Variants in SORCS3 observed in about 807,000 individuals in gnomAD.
SORCS3 encodes the protein sortilin related VPS10 domain containing receptor 3.
Under a neutral mutation model 146.3 loss-of-function variants are expected in SORCS3, and 57 were observed. The observed-to-expected ratio is 0.39, with a 90% CI of 0.31 to 0.49. SORCS3 has a LOEUF of 0.49. SORCS3 is among the 20% of genes least tolerant of loss of function. SORCS3 has a pLI of 0.92. For missense variants in SORCS3, 1,341 were observed against 1,575.5 expected, an observed-to-expected ratio of 0.85 and a Z score of 2.52; for synonymous variants, 653 against 618.5, an observed-to-expected ratio of 1.06 and a Z score of -0.83.
At chr10:105,249,722 A>G (rs1458035830) in intron 22 of SORCS3, among the ~76,000 whole-genome samples, 1 of 151,928 alleles carries the variant, frequency 6.6e-6, no homozygotes, top group Non-Finnish European at 1.5e-5. Context: ...CTCTACAAAA[A>G]TAAATAAAAA....
chr10:104,721,375 T>C (rs1440192726), intron 1 of SORCS3, among the ~76,000 whole-genome samples: 1 of 152,252 alleles, frequency 6.6e-6, no homozygotes, highest in African/African-American at 2.4e-5. Context: ...TTTTGGTTAC[T>C]GTAGCCTTGT....
At chr10:105,029,796 CA>C (rs1226172712) in intron 4 of SORCS3, among the ~76,000 whole-genome samples, 4 of 152,188 alleles carry the variant, frequency 2.6e-5, no homozygotes, top group Admixed American at 6.5e-5. Flanking sequence ...TAGCTGAAGA[CA>C]GGGGGATAAA....
intron 2 of SORCS3, among the ~76,000 whole-genome samples, chr10:104,846,194 C>T (rs780075122): frequency 1.3e-5 from 2 of 152,292 alleles, no homozygotes; most frequent in Admixed American, 6.5e-5. Context: ...AGGGACTGCT[C>T]CTAAACTTTC....
At chr10:104,972,492 A>G (rs2054866426) in intron 3 of SORCS3, among the ~76,000 whole-genome samples, 1 of 152,156 alleles carries the variant, frequency 6.6e-6, no homozygotes, top group Non-Finnish European at 1.5e-5. Flanking sequence ...TAAATGCATA[A>G]AACAATTCAG....
At chr10:105,023,651 G>A (rs2055210631) in intron 4 of SORCS3, among the ~76,000 whole-genome samples, 1 of 152,096 alleles carries the variant, frequency 6.6e-6, no homozygotes, top group Non-Finnish European at 1.5e-5. Flanking sequence ...TCAATGCAAA[G>A]AGTAAGAGAA....
intron 8 of SORCS3, among the ~76,000 whole-genome samples, chr10:105,142,902 T>C (rs1285460349): frequency 6.6e-6 from 1 of 152,174 alleles, no homozygotes; most frequent in Non-Finnish European, 1.5e-5. Flanking sequence ...AAATTCATTA[T>C]AATGATAATA....
At chr10:105,037,674 T>A in intron 4 of SORCS3, among the ~76,000 whole-genome samples, 1 of 152,196 alleles carries the variant, frequency 6.6e-6, no homozygotes, top group East Asian at 1.9e-4. Flanking sequence ...CATACTGGAT[T>A]AGGGCCCACC....
Position 105,201,191 on chromosome 10 carries a change from C to T in SORCS3, c.2199C>T (p.Gly733=), listed in dbSNP as rs201232836. 48 of 1,611,916 alleles carry T rather than the reference C, an allele frequency of 3.0e-5. No individual in the cohort carries two copies. Among genetic ancestry groups the T allele is most frequent in the Middle Eastern group, 1.6e-4 (1 of 6,070 alleles). The change falls in exon 16 of 27, where the codon GGC becomes GGT. Residue 733 remains glycine, a synonymous_variant. Transcript: ENST00000369701. ...AGCCAGGAGCTCAGTGTGCCCTGGG[C>T]CGAGACCACTCAGGATCAGTGGTCT... The part of the protein sequence containing the change: ...KRKPGAQCAL[G]RDHSGSVVSE...
At chr10:104,912,371 T>A (rs2018977876) in intron 2 of SORCS3, among the ~76,000 whole-genome samples, 1 of 152,236 alleles carries the variant, frequency 6.6e-6, no homozygotes, top group Non-Finnish European at 1.5e-5. Flanking sequence ...TGACAGCCTC[T>A]AGAGATCATG....
At chr10:104,874,237 G>GAT (rs5787555) in intron 2 of SORCS3, among the ~76,000 whole-genome samples, 127,514 of 151,994 alleles carry the variant, frequency 0.84, 53,949 homozygotes, top group East Asian at 0.97. Flanking sequence ...GGCATTTTCA[G>GAT]AGTTTCTAGT....
chr10:105,115,689 T>C (rs987487139), intron 7 of SORCS3, among the ~76,000 whole-genome samples: 3 of 152,150 alleles, frequency 2.0e-5, no homozygotes, highest in Admixed American at 2.0e-4. Context: ...CTGATTTATA[T>C]ACCCATCATG....
Position 105,167,272 on chromosome 10 carries a change from G to A in SORCS3, c.1824G>A (p.Glu608=). The A allele has an allele frequency of 1.2e-6, 2 of 1,612,850 alleles. No individual in the cohort carries two copies. Among genetic ancestry groups the A allele is most frequent in the South Asian group, 2.2e-5 (2 of 91,010 alleles). ...TGTTGTTCCAGATCTTTGATGAAGA[G>A]TACAATGTCTGGTTCCTAGACTGGG... ...GNTWRQIFDE[E]YNVWFLDWGG... is the part of the protein sequence containing the mutation. Residue 608 remains glutamate (E), a synonymous_variant, in exon 13 of 27, where the codon GAG becomes GAA. Coordinates refer to ENST00000369701, the MANE Select transcript of SORCS3 (RefSeq NM_014978.3).
chr10:104,949,038 A>T (rs1270885616), intron 3 of SORCS3, among the ~76,000 whole-genome samples: 3 of 152,162 alleles, frequency 2.0e-5, no homozygotes, highest in African/African-American at 7.2e-5. Flanking sequence ...ATCATTTGGG[A>T]TCACACATCC....
intron 14 of SORCS3, 51 bp from the exon 15 acceptor site, chr10:105,199,948 A>C (rs753793403): frequency 3.1e-5 from 41 of 1,322,466 alleles, no homozygotes; most frequent in Non-Finnish European, 4.3e-5. Context: ...TTAGTGACTG[A>C]CTATGGGACT....
intron 1 of SORCS3, among the ~76,000 whole-genome samples, chr10:104,746,161 G>T (rs1243096950): frequency 1.1e-4 from 16 of 150,138 alleles, no homozygotes; most frequent in Non-Finnish European, 2.1e-4. Context: ...TTTTAAGGTG[G>T]AGTCTCGCTC....
At chr10:105,074,489 G>T (rs1220713079) in intron 5 of SORCS3, among the ~76,000 whole-genome samples, 1 of 151,948 alleles carries the variant, frequency 6.6e-6, no homozygotes, top group Non-Finnish European at 1.5e-5. Flanking sequence ...GGGGAGGCAG[G>T]CAGTATTCAA....
chr10:104,956,503 A>G (rs1488048847), intron 3 of SORCS3, among the ~76,000 whole-genome samples: 1 of 152,190 alleles, frequency 6.6e-6, no homozygotes, highest in Non-Finnish European at 1.5e-5. Context: ...AAGCCCCAAC[A>G]TTTGTTGAAC....
intron 7 of SORCS3, among the ~76,000 whole-genome samples, chr10:105,132,449 C>T (rs891230980): frequency 6.6e-6 from 1 of 152,106 alleles, no homozygotes; most frequent in Non-Finnish European, 1.5e-5. Flanking sequence ...ATTCTAGAAA[C>T]AGTTTAAGTT....
In SORCS3 at chr10:104,868,663, A is replaced by G. The variant is rs796275641; in HGVS notation, c.695+25804A>G. ...ATTCAGCAGGCTCAGCCCTGTGACT[A>G]TAGGAGATAAGGGCTTCCTTCAGGG... On this transcript the variant is annotated intron_variant, in intron 2 of 26. Coordinates refer to ENST00000369701, the MANE Select transcript of SORCS3 (RefSeq NM_014978.3). 7.9e-5 allele frequency among the ~76,000 whole-genome samples: 12 copies of G among 152,302 alleles called. No individual in the cohort carries two copies. In the South Asian group the frequency reaches 2.3e-3, roughly 29 times the overall value.
Sources: allele counts gnomAD v4.1 joint callset (sites outside exome capture counted in the v4.1 genomes callset), GRCh38; gene constraint gnomAD v4.1.1; transcripts MANE v1.5; gene names NCBI Gene and HGNC (gene_info 2026-07-23, HGNC 2026-07-21).